Variants in PITPNC1 observed in about 807,000 individuals in gnomAD.
PITPNC1 encodes the protein cytoplasmic phosphatidylinositol transfer protein 1.
PITPNC1 carries 18 observed loss-of-function variants against 44.7 expected under a neutral mutation model. The observed-to-expected ratio is 0.40, with a 90% confidence interval of 0.28 to 0.60. The LOEUF (loss-of-function observed/expected upper bound fraction) is 0.60. Among genes scored for constraint, PITPNC1 ranks in the 20% least tolerant of loss-of-function variants. The pLI is 0.39. For missense variants in PITPNC1, 290 were observed against 418.4 expected (o/e 0.69, Z 2.68); for synonymous variants, 141 against 149.6 (o/e 0.94, Z 0.42).
chr17:67,581,815 C>T (rs1439235791), intron 5 of PITPNC1, among the ~76,000 whole-genome samples: 1 of 152,128 alleles, frequency 6.6e-6, no homozygotes, highest in Admixed American at 6.5e-5. Context: ...GGGTGGATAC[C>T]TGAGGTCAGG....
At chr17:67,618,824 C>A (rs564602569) in intron 5 of PITPNC1, among the ~76,000 whole-genome samples, 3 of 151,764 alleles carry the variant, frequency 2.0e-5, no homozygotes, top group Non-Finnish European at 4.4e-5. Context: ...TTTGGGAGGC[C>A]GAGACGGGCA....
intron 1 of PITPNC1, among the ~76,000 whole-genome samples, chr17:67,387,442 G>A (rs947247109): frequency 6.6e-6 from 1 of 152,120 alleles, no homozygotes; most frequent in African/African-American, 2.4e-5. Flanking sequence ...GAGGCAGACG[G>A]GTCACTTGAG....
At chr17:67,440,212 C>T (rs949113359) in intron 1 of PITPNC1, among the ~76,000 whole-genome samples, 17 of 152,074 alleles carry the variant, frequency 1.1e-4, no homozygotes, top group African/African-American at 3.9e-4. Flanking sequence ...AAAATTAATG[C>T]ACAATACTCT....
At chr17:67,547,048 T>C (rs1420258588) in intron 2 of PITPNC1, among the ~76,000 whole-genome samples, 1 of 152,160 alleles carries the variant, frequency 6.6e-6, no homozygotes, top group Admixed American at 6.5e-5. Flanking sequence ...AAACAAAAGG[T>C]CAGTATATTC....
intron 1 of PITPNC1, among the ~76,000 whole-genome samples, chr17:67,451,252 G>T (rs1419577704): frequency 6.6e-6 from 1 of 151,946 alleles, no homozygotes; most frequent in South Asian, 2.1e-4. Flanking sequence ...GGCTGGTCTC[G>T]ATCTCCTGAC....
In PITPNC1 at chr17:67,494,185, T is replaced by TTCTTTCTTTTTCTTTCTTTC; in HGVS notation, c.49-38616_49-38615insCTTTCTTTTTCTTTCTTTCT. Among the ~76,000 whole-genome samples, 5 of 102,496 alleles carry TTCTTTCTTTTTCTTTCTTTC rather than the reference T, an allele frequency of 4.9e-5. 1 individual carries two copies. Among genetic ancestry groups the TTCTTTCTTTTTCTTTCTTTC allele is most frequent in the African/African-American group, 1.5e-4 (4 of 26,482 alleles). The allele number at this position is 102,496 out of a possible 152,430, so 67.2% of individuals were successfully genotyped here. On this transcript the variant is annotated intron_variant, in intron 1 of 8. Coordinates refer to ENST00000581322, the MANE Select transcript of PITPNC1 (RefSeq NM_012417.4). ...CCTCTTTCTTTCTTTCTTTCTTTCTTTTTCTTTCTTTCTTTCTTTCTTTCT... is the reference window on the plus strand; with the variant it reads ...CCTCTTTCTTTCTTTCTTTCTTTCTTTCTTTCTTTTTCTTTCTTTCTTTCTTTCTTTCTTTCTTTCTTTCT...
chr17:67,380,142 T>G (rs1403041052), intron 1 of PITPNC1, among the ~76,000 whole-genome samples: 1 of 151,862 alleles, frequency 6.6e-6, no homozygotes, highest in Non-Finnish European at 1.5e-5. Context: ...TGGCGAGATC[T>G]CGGCTCACTG....
rs1301223039 is a variant in PITPNC1, at chr17:67,694,300, T to C, written c.*1412T>C. 1 of 152,260 alleles carries C rather than the reference T, an allele frequency of 6.6e-6. No homozygotes were observed. Among genetic ancestry groups the C allele is most frequent in the Non-Finnish European group, 1.5e-5 (1 of 68,072 alleles). 9.4% of individuals were successfully genotyped at this position (152,260 alleles called of 1,614,324 possible). A position where few individuals can be genotyped will look rare whatever the true frequency, so the allele number is the denominator to read the frequency against. ...TCCAAGAGAGGAAGAGAAGAAGTAATTGGGCAACTTGGAGGCCCACGCCCC... is the reference window on the plus strand; with the variant it reads ...TCCAAGAGAGGAAGAGAAGAAGTAACTGGGCAACTTGGAGGCCCACGCCCC... On this transcript the variant is annotated 3_prime_UTR_variant, in exon 9 of 9. Transcript: ENST00000581322.
At chr17:67,683,868 C>G (rs1470923412) in intron 8 of PITPNC1, among the ~76,000 whole-genome samples, 1 of 151,286 alleles carries the variant, frequency 6.6e-6, no homozygotes, top group South Asian at 2.1e-4. Flanking sequence ...ATCCCAGCTA[C>G]TCGGGAGGCT....
chr17:67,532,230 A>C (rs905740128), intron 1 of PITPNC1, among the ~76,000 whole-genome samples: 1 of 152,064 alleles, frequency 6.6e-6, no homozygotes, highest in African/African-American at 2.4e-5. Flanking sequence ...CTCATGGGGG[A>C]GCCGGGGCCT....
intron 1 of PITPNC1, chr17:67,408,677 TCTTCCTTCCTTCCTTCCTTCCTTCCTTC>T (rs71139143): frequency 1.0e-4 from 8 of 79,436 alleles, no homozygotes; most frequent in Non-Finnish European, 1.9e-4. Flanking sequence ...GCTTTCTCTT[TCTTCCTTCCTTCCTTCCTTCCTTCCTTC>T]CTTCCTTCCT....
chr17:67,460,431 T>G (rs907820752), intron 1 of PITPNC1, among the ~76,000 whole-genome samples: 1 of 150,114 alleles, frequency 6.7e-6, no homozygotes, highest in Non-Finnish European at 1.5e-5. Context: ...ATTTTCTTGT[T>G]TTTTTTTTTT....
chr17:67,476,406 T>C lies in PITPNC1; in HGVS notation c.49-56396T>C, dbSNP rs535197620. On this transcript the variant is annotated intron_variant, in intron 1 of 8. Transcript: ENST00000581322. ...TTCCCCATGTTGGCCAGGCTGGTCT[T>C]GAACTCCTGACCTCAGGTAATTCAC... Among the ~76,000 whole-genome samples the C allele has an allele frequency of 8.5e-5, 13 of 152,134 alleles. 1 individual carries two copies. In the South Asian group the frequency reaches 2.7e-3, roughly 32 times the overall value.
At chr17:67,398,978 C>T (rs1194929004) in intron 1 of PITPNC1, among the ~76,000 whole-genome samples, 1 of 147,900 alleles carries the variant, frequency 6.8e-6, no homozygotes, top group Non-Finnish European at 1.5e-5. Context: ...AGTTCTTCGG[C>T]AACTTCTCGT....
intron 1 of PITPNC1, among the ~76,000 whole-genome samples, chr17:67,406,715 T>C (rs1372268054): frequency 6.6e-6 from 1 of 151,708 alleles, no homozygotes; most frequent in Non-Finnish European, 1.5e-5. Flanking sequence ...GCCTCCCGAG[T>C]AGCTGGGATT....
At chr17:67,654,785 A>G (rs1269602991) in intron 6 of PITPNC1, among the ~76,000 whole-genome samples, 2 of 152,086 alleles carry the variant, frequency 1.3e-5, no homozygotes, top group Non-Finnish European at 2.9e-5. Context: ...GGAGCGCGCC[A>G]CCACGCCCAA....
intron 6 of PITPNC1, among the ~76,000 whole-genome samples, chr17:67,642,773 A>G (rs1351946155): frequency 1.3e-5 from 2 of 152,102 alleles, no homozygotes; most frequent in East Asian, 1.9e-4. Context: ...TTTGGATCAA[A>G]CCCCATTTTT....
chr17:67,656,550 A>G (rs1489749546), intron 6 of PITPNC1, among the ~76,000 whole-genome samples: 1 of 152,168 alleles, frequency 6.6e-6, no homozygotes, highest in Admixed American at 6.6e-5. Context: ...AGACCTGGAC[A>G]TATTTTTGGG....
At chr17:67,573,556 C>CTTT (rs35434515) in intron 4 of PITPNC1, among the ~76,000 whole-genome samples, 23 of 84,052 alleles carry the variant, frequency 2.7e-4, no homozygotes, top group African/African-American at 9.4e-4. Flanking sequence ...ACTGAATACT[C>CTTT]TTTTTTTTTT....
Sources: gnomAD v4.1 joint callset for allele counts (sites outside exome capture counted in the v4.1 genomes callset) on GRCh38, gnomAD v4.1.1 for gene constraint, MANE v1.5 for transcripts, NCBI Gene and HGNC (gene_info 2026-07-23, HGNC 2026-07-21) for gene names.